The following KLF6 variants were observed in gnomAD, a reference collection of about 807,000 sequenced individuals.
KLF6 encodes Krueppel-like factor 6.
For synonymous variants in KLF6, 152 were observed against 147.9 expected, an observed-to-expected ratio of 1.03 and a Z score of -0.20; for missense variants, 233 against 359.8, an observed-to-expected ratio of 0.65 and a Z score of 2.85.
chr10:3,779,575 A>C lies in KLF6; in HGVS notation c.816T>G (p.Ser272=). The C allele has an allele frequency of 1.9e-6, 3 of 1,614,140 alleles. No homozygotes were observed. The highest frequency in any genetic ancestry group is 2.5e-6 in the Non-Finnish European group (3 of 1,179,960). Residue 272 remains serine (S), a synonymous_variant, in exon 4 of 4, where the codon TCT becomes TCG. Coordinates refer to ENST00000497571, the MANE Select transcript of KLF6 (RefSeq NM_001300.6). ...CSHCDRCFSR[S]DHLALHMKRH... ...TCTTCATGTGCAGGGCCAGGTGGTC[A>C]GACCTGGAAAAACACCTGCAAGGGC...
In KLF6 at chr10:3,784,899, C is replaced by T; in HGVS notation, c.102+14G>A. ...CCCCGGCGCCCGCAGGGAACCGCGG[C>T]CGGCTGCGTTTACCTGTTGCCAGTA... On this transcript the variant is annotated intron_variant, in intron 1 of 3. Coordinates refer to ENST00000497571, the MANE Select transcript of KLF6 (RefSeq NM_001300.6). 6.3e-7 allele frequency: 1 copy of T among 1,595,024 alleles called. No individual in the cohort carries two copies. Among genetic ancestry groups the T allele is most frequent in the Non-Finnish European group, 8.5e-7 (1 of 1,171,266 alleles).
In KLF6 at chr10:3,778,149, G is replaced by A. The variant is rs1431020588; in HGVS notation, c.*1390C>T. On this transcript the variant is annotated 3_prime_UTR_variant, in exon 4 of 4. Coordinates refer to ENST00000497571, the MANE Select transcript of KLF6 (RefSeq NM_001300.6). ...AAAGGGAGTTTCACTCTATGTCTTT[G>A]TGAAGGAGGACCTTAAAGAGATTTT... 2 of 520,154 alleles carry A rather than the reference G, an allele frequency of 3.8e-6. No individual in the cohort carries two copies. The highest frequency in any genetic ancestry group is 7.5e-6 in the Non-Finnish European group (2 of 267,358). The allele number at this position is 520,154 out of a possible 1,614,324, so 32.2% of individuals were successfully genotyped here.
At position 3,785,049 on chromosome 10, in the gene KLF6, G is replaced by A. The variant is rs1832619947; in HGVS notation, c.-35C>T. 6.2e-7 allele frequency: 1 copy of A among 1,609,704 alleles called. No individual in the cohort carries two copies. Among genetic ancestry groups the A allele is most frequent in the Non-Finnish European group, 8.5e-7 (1 of 1,178,320 alleles). On this transcript the variant is annotated 5_prime_UTR_variant, in exon 1 of 4. Transcript: ENST00000497571. Reference sequence around the variant, plus strand: ...GGTTGGACGGAGCCCGCGGTCGCGAGGGCGGCGAGGCGCGCGGTGGGAGCC... The same window carrying A: ...GGTTGGACGGAGCCCGCGGTCGCGAAGGCGGCGAGGCGCGCGGTGGGAGCC...
In KLF6 at chr10:3,784,900, C is replaced by G. The variant is rs1234771666; in HGVS notation, c.102+13G>C. ...CCCGGCGCCCGCAGGGAACCGCGGC[C>G]GGCTGCGTTTACCTGTTGCCAGTAC... On this transcript the variant is annotated intron_variant, in intron 1 of 3. Coordinates refer to ENST00000497571, the MANE Select transcript of KLF6 (RefSeq NM_001300.6). 6.3e-7 allele frequency: 1 copy of G among 1,594,136 alleles called. No individual in the cohort carries two copies. The highest frequency in any genetic ancestry group is 1.4e-5 in the African/African-American group (1 of 73,270).
Position 3,778,280 on chromosome 10 carries a change from C to T in KLF6, c.*1259G>A. ...TATGAGACCCCCACAGAAGGGATCG[C>T]TTGCGTAAGGCACCATTATGAAGGT... On this transcript the variant is annotated 3_prime_UTR_variant, in exon 4 of 4. Coordinates refer to ENST00000497571, the MANE Select transcript of KLF6 (RefSeq NM_001300.6). 1 of 527,178 alleles carries T rather than the reference C, an allele frequency of 1.9e-6. No individual in the cohort carries two copies. Among genetic ancestry groups the T allele is most frequent in the Non-Finnish European group, 3.7e-6 (1 of 271,944 alleles). 32.7% of individuals were successfully genotyped at this position (527,178 alleles called of 1,614,324 possible).
At position 3,785,088 on chromosome 10, in the gene KLF6, T is replaced by A; in HGVS notation, c.-74A>T. ...GCGGTGGGAGCCGGAGCCGAAAGTC[T>A]CCCCGGAGCGCAGGTGAAAGTTTCA... On this transcript the variant is annotated 5_prime_UTR_variant, in exon 1 of 4. Coordinates refer to ENST00000497571, the MANE Select transcript of KLF6 (RefSeq NM_001300.6). 30 of 1,600,682 alleles carry A rather than the reference T, an allele frequency of 1.9e-5. No homozygotes were observed. The highest frequency in any genetic ancestry group is 2.6e-5 in the Non-Finnish European group (30 of 1,174,552).
Position 3,781,972 on chromosome 10 carries a change from G to A in KLF6, c.345C>T (p.Ser115=). 6.2e-7 allele frequency: 1 copy of A among 1,614,218 alleles called. No homozygotes were observed. Among genetic ancestry groups the A allele is most frequent in the Non-Finnish European group, 8.5e-7 (1 of 1,180,020 alleles). ...NSDVSSESSD[S]SEELSPTAKF... is the part of the protein sequence containing the mutation. ...TGGCCGTGGGAGAAAGTTCCTCGGAGCTGTCAGAGGATTCGCTGCTGACAT... is the reference window on the plus strand; with the variant it reads ...TGGCCGTGGGAGAAAGTTCCTCGGAACTGTCAGAGGATTCGCTGCTGACAT... The change falls in exon 2 of 4, where the codon AGC becomes AGT. Residue 115 remains serine (S), a synonymous_variant. Coordinates refer to ENST00000497571, the MANE Select transcript of KLF6 (RefSeq NM_001300.6). The surrounding 1 kb of genome is among the most constrained non-coding windows in gnomAD (Gnocchi z 5.8).
At chr10:3,783,441 T>A (rs981637174) in intron 1 of KLF6, among the ~76,000 whole-genome samples, 2 of 152,148 alleles carry the variant, frequency 1.3e-5, no homozygotes, top group Non-Finnish European at 2.9e-5. Flanking sequence ...GAGCACGTCA[T>A]TTTTCCGGGC....
In KLF6 at chr10:3,780,239, G is replaced by A. The variant is rs1226028609; in HGVS notation, c.677-10C>T. 6.2e-7 allele frequency: 1 copy of A among 1,613,534 alleles called. No homozygotes were observed. On this transcript the variant is annotated splice_polypyrimidine_tract_variant and intron_variant, in intron 2 of 3. Transcript: ENST00000497571. The surrounding 1 kb of genome is among the most constrained non-coding windows in gnomAD (Gnocchi z 4.6). Reference sequence around the variant, plus strand: ...CTGTAAGGCTTTTCTCCTGGGGAGAGAGCACAGGACAAGCAGCCCATGACT... The same window carrying A: ...CTGTAAGGCTTTTCTCCTGGGGAGAAAGCACAGGACAAGCAGCCCATGACT...
intron 3 of KLF6, 150 bp from the exon 4 acceptor site, chr10:3,779,740 G>A (rs916723135): frequency 4.0e-6 from 3 of 748,330 alleles, no homozygotes; most frequent in Non-Finnish European, 7.1e-6. Context: ...AGTGTCTTCA[G>A]GGACAGGAGA....
chr10:3,777,509 G>T lies in KLF6; in HGVS notation c.*2030C>A. 1 of 512,776 alleles carries T rather than the reference G, an allele frequency of 2.0e-6. No homozygotes were observed. Among genetic ancestry groups the T allele is most frequent in the Non-Finnish European group, 3.8e-6 (1 of 262,668 alleles). The allele number at this position is 512,776 out of a possible 1,614,324, so 31.8% of individuals were successfully genotyped here. On this transcript the variant is annotated 3_prime_UTR_variant, in exon 4 of 4. Coordinates refer to ENST00000497571, the MANE Select transcript of KLF6 (RefSeq NM_001300.6). Reference sequence around the variant, plus strand: ...CATTCTGTTCAGGCCACTTCTGAACGGCCGAAGGTGCCCCATTCCAGACCT... The same window carrying T: ...CATTCTGTTCAGGCCACTTCTGAACTGCCGAAGGTGCCCCATTCCAGACCT...
chr10:3,777,735 T>A lies in KLF6; in HGVS notation c.*1804A>T, dbSNP rs956170029. 8.7e-5 allele frequency: 29 copies of A among 334,490 alleles called. No homozygotes were observed. Among genetic ancestry groups the A allele is most frequent in the Non-Finnish European group, 1.5e-4 (27 of 175,064 alleles). 20.7% of individuals were successfully genotyped at this position (334,490 alleles called of 1,614,324 possible). On this transcript the variant is annotated 3_prime_UTR_variant, in exon 4 of 4. Transcript: ENST00000497571. ...CATTCTAGTTTCTCCTTAAAAAAAA[T>A]ATTTATATATTATCTATATATATAA...
rs1373277169 is a variant in KLF6, at chr10:3,778,317, T to C, written c.*1222A>G. 1 of 526,684 alleles carries C rather than the reference T, an allele frequency of 1.9e-6. No homozygotes were observed. Among genetic ancestry groups the C allele is most frequent in the African/African-American group, 1.9e-5 (1 of 53,312 alleles). The allele number at this position is 526,684 out of a possible 1,614,324, so 32.6% of individuals were successfully genotyped here. ...ACCATTATGAAGGTCAACAGTGCATTAACAGCTAGAAAACCAGAAATTAGT... is the reference window on the plus strand; with the variant it reads ...ACCATTATGAAGGTCAACAGTGCATCAACAGCTAGAAAACCAGAAATTAGT... On this transcript the variant is annotated 3_prime_UTR_variant, in exon 4 of 4. Transcript: ENST00000497571.
chr10:3,783,760 G>T (rs1175967323), intron 1 of KLF6, among the ~76,000 whole-genome samples: 1 of 152,220 alleles, frequency 6.6e-6, no homozygotes, highest in Non-Finnish European at 1.5e-5. Flanking sequence ...CCATTACGCT[G>T]ATGAGCACCC....
At chr10:3,783,959 T>C (rs71477837) in intron 1 of KLF6, among the ~76,000 whole-genome samples, 1 of 152,108 alleles carries the variant, frequency 6.6e-6, no homozygotes, top group African/African-American at 2.4e-5. Context: ...AGGAGAGGAC[T>C]GTGAACAATT....
rs887123553 is a variant in KLF6, at chr10:3,778,527, A to C, written c.*1012T>G. On this transcript the variant is annotated 3_prime_UTR_variant, in exon 4 of 4. Coordinates refer to ENST00000497571, the MANE Select transcript of KLF6 (RefSeq NM_001300.6). The stretch of plus-strand genomic sequence containing the variant: ...CCAATTTCTTCTAAGGGCATCACAG[A>C]ATTCTCCAAAAAGTTAATTCAAATT... 3.8e-5 allele frequency: 20 copies of C among 522,372 alleles called. No homozygotes were observed. The Admixed American group carries it at 4.3e-4, about 11-fold the overall frequency. The allele number at this position is 522,372 out of a possible 1,614,324, so 32.4% of individuals were successfully genotyped here. A position where few individuals can be genotyped will look rare whatever the true frequency, so the allele number is the denominator to read the frequency against.
In KLF6 at chr10:3,780,251, A is replaced by G. The variant is rs369191056; in HGVS notation, c.677-22T>C. 3.1e-6 allele frequency: 5 copies of G among 1,612,802 alleles called. No homozygotes were observed. In the African/African-American group the frequency reaches 5.3e-5, roughly 17 times the overall value. On this transcript the variant is annotated intron_variant, in intron 2 of 3. Coordinates refer to ENST00000497571, the MANE Select transcript of KLF6 (RefSeq NM_001300.6). The surrounding 1 kb of genome is among the most constrained non-coding windows in gnomAD (Gnocchi z 4.6). ...TCTCCTGGGGAGAGAGCACAGGACAAGCAGCCCATGACTTCACTGACCCGC... is the reference window on the plus strand; with the variant it reads ...TCTCCTGGGGAGAGAGCACAGGACAGGCAGCCCATGACTTCACTGACCCGC...
In KLF6 at chr10:3,776,398, G is replaced by C; in HGVS notation, c.*3141C>G. 1 of 531,896 alleles carries C rather than the reference G, an allele frequency of 1.9e-6. No individual in the cohort carries two copies. Among genetic ancestry groups the C allele is most frequent in the Non-Finnish European group, 3.6e-6 (1 of 274,814 alleles). 32.9% of individuals were successfully genotyped at this position (531,896 alleles called of 1,614,324 possible). A position where few individuals can be genotyped will look rare whatever the true frequency, so the allele number is the denominator to read the frequency against. On this transcript the variant is annotated 3_prime_UTR_variant, in exon 4 of 4. Coordinates refer to ENST00000497571, the MANE Select transcript of KLF6 (RefSeq NM_001300.6). ...CGCTGACATCCTCTCCAGCTCCCAG[G>C]ACAGGCTGTGGAAAGAGGAAGGGGC...
chr10:3,781,434 C>G lies in KLF6; in HGVS notation c.676+207G>C. On this transcript the variant is annotated intron_variant, in intron 2 of 3. Transcript: ENST00000497571. The surrounding 1 kb of genome is among the most constrained non-coding windows in gnomAD (Gnocchi z 5.8). ...TGTTTGTTTAATCTGAAAATTGTTACACATTTATCCAACTCAAAAGTCCAG... is the reference window on the plus strand; with the variant it reads ...TGTTTGTTTAATCTGAAAATTGTTAGACATTTATCCAACTCAAAAGTCCAG... The G allele has an allele frequency of 6.6e-7, 1 of 1,513,582 alleles. No homozygotes were observed. Among genetic ancestry groups the G allele is most frequent in the Non-Finnish European group, 8.9e-7 (1 of 1,129,446 alleles). The allele number at this position is 1,513,582 out of a possible 1,614,324, so 93.8% of individuals were successfully genotyped here.
Sources: gnomAD v4.1 joint callset for allele counts (sites outside exome capture counted in the v4.1 genomes callset) on GRCh38, gnomAD v4.1.1 for gene constraint, Gnocchi (gnomAD v3.1) non-coding constraint, MANE v1.5 for transcripts, NCBI Gene and HGNC (gene_info 2026-07-23, HGNC 2026-07-21) for gene names.